The following CTNNA3 variants were observed in gnomAD, a reference collection of about 807,000 sequenced individuals.
The protein encoded by CTNNA3 is catenin alpha-3.
A neutral mutation model predicts 95.7 loss-of-function variants in CTNNA3; 76 were observed. The observed-to-expected ratio is 0.79, with a 90% CI of 0.66 to 0.96. The LOEUF is 0.96. CTNNA3 is among the 40% of genes least tolerant of loss of function. The pLI, the probability that CTNNA3 is intolerant of heterozygous loss-of-function variation, is 0.00. For synonymous variants in CTNNA3, 431 were observed against 374.4 expected, an observed-to-expected ratio of 1.15 and a Z score of -1.74; for missense variants, 1,191 against 1,089.8, an observed-to-expected ratio of 1.09 and a Z score of -1.31.
At chr10:66,115,563 T>C (rs10996905) in intron 13 of CTNNA3, among the ~76,000 whole-genome samples, 5,389 of 133,638 alleles carry the variant, frequency 0.04, 98 homozygotes, top group Middle Eastern at 0.059. Context: ...GATAGATAGA[T>C]AGATAGACAG....
chr10:67,692,129 C>A, intron 1 of CTNNA3, among the ~76,000 whole-genome samples: 1 of 151,358 alleles, frequency 6.6e-6, no homozygotes, highest in Admixed American at 6.6e-5. Context: ...GGGGTCAGCC[C>A]CCTGCCCGGC....
intron 17 of CTNNA3, among the ~76,000 whole-genome samples, chr10:65,953,653 G>A (rs533035490): frequency 6.6e-6 from 1 of 151,702 alleles, no homozygotes; most frequent in East Asian, 2.0e-4. Flanking sequence ...TTCTGTCCTT[G>A]TGTTAGTTTG....
chr10:67,034,075 A>G (rs1480899354), intron 7 of CTNNA3, among the ~76,000 whole-genome samples: 25 of 152,112 alleles, frequency 1.6e-4, no homozygotes, highest in Admixed American at 1.6e-3. Context: ...CCCGGCCTAT[A>G]CTGCTTCTTA....
intron 7 of CTNNA3, among the ~76,000 whole-genome samples, chr10:67,092,209 A>G (rs1857685906): frequency 6.6e-6 from 1 of 151,990 alleles, no homozygotes; most frequent in Non-Finnish European, 1.5e-5. Flanking sequence ...CAACCTAGAG[A>G]GTTAGAAAAC....
At chr10:66,574,677 T>A (rs1427797737) in intron 10 of CTNNA3, among the ~76,000 whole-genome samples, 1 of 152,128 alleles carries the variant, frequency 6.6e-6, no homozygotes, top group Non-Finnish European at 1.5e-5. Context: ...AATCTGAGTA[T>A]TAAAGTACAA....
At chr10:66,129,316 G>C (rs7079948) in intron 13 of CTNNA3, among the ~76,000 whole-genome samples, 126,122 of 152,134 alleles carry the variant, frequency 0.83, 52,454 homozygotes, top group South Asian at 0.91. Context: ...CAAGCAGCAA[G>C]CTACTCTCAC....
At chr10:66,373,847 C>T (rs535486802) in intron 12 of CTNNA3, among the ~76,000 whole-genome samples, 1 of 152,336 alleles carries the variant, frequency 6.6e-6, no homozygotes, top group South Asian at 2.1e-4. Context: ...TATTCATGAT[C>T]AATTGTTCAA....
chr10:67,628,687 T>C (rs899459951), intron 2 of CTNNA3, among the ~76,000 whole-genome samples: 2 of 152,142 alleles, frequency 1.3e-5, no homozygotes, highest in African/African-American at 4.8e-5. Context: ...TCCAAAACTG[T>C]ATGAGATTTC....
chr10:65,992,623 G>A (rs1210231056), intron 15 of CTNNA3, among the ~76,000 whole-genome samples: 2 of 151,818 alleles, frequency 1.3e-5, no homozygotes, highest in Non-Finnish European at 2.9e-5. Flanking sequence ...GTTTATTTGG[G>A]TATTCTCTCT....
chr10:66,220,996 G>A (rs996263910), intron 13 of CTNNA3, among the ~76,000 whole-genome samples: 3 of 152,134 alleles, frequency 2.0e-5, no homozygotes, highest in Non-Finnish European at 4.4e-5. Context: ...TAGGGCCCTC[G>A]CCAGGGATCG....
At chr10:67,462,710 T>C (rs541097323) in intron 5 of CTNNA3, among the ~76,000 whole-genome samples, 1 of 152,286 alleles carries the variant, frequency 6.6e-6, no homozygotes, top group African/African-American at 2.4e-5. Flanking sequence ...GAAGACGTGG[T>C]GATCTGAGAA....
At chr10:67,043,953 C>G (rs1854565631) in intron 7 of CTNNA3, among the ~76,000 whole-genome samples, 1 of 132,556 alleles carries the variant, frequency 7.5e-6, no homozygotes, top group African/African-American at 2.6e-5. Flanking sequence ...ATTTCAACCT[C>G]TATTTTAGAT....
At chr10:66,217,905 C>A (rs2088658486) in intron 13 of CTNNA3, among the ~76,000 whole-genome samples, 1 of 142,918 alleles carries the variant, frequency 7.0e-6, no homozygotes, top group African/African-American at 2.6e-5. Context: ...ACTGCGGGTA[C>A]CAGATGAAGT....
intron 7 of CTNNA3, among the ~76,000 whole-genome samples, chr10:66,930,641 A>C (rs895276654): frequency 6.6e-6 from 1 of 152,168 alleles, no homozygotes; most frequent in African/African-American, 2.4e-5. Context: ...GCAAATTCTC[A>C]ATGCCATGGT....
chr10:67,275,510 T>C (rs1267361937), intron 5 of CTNNA3, among the ~76,000 whole-genome samples: 3 of 152,066 alleles, frequency 2.0e-5, no homozygotes, highest in Middle Eastern at 3.4e-3. Context: ...TGACAATGAA[T>C]GTGCTAAGCG....
chr10:66,906,706 G>A (rs537358813), intron 7 of CTNNA3, among the ~76,000 whole-genome samples: 3 of 152,048 alleles, frequency 2.0e-5, no homozygotes, highest in Admixed American at 6.6e-5. Context: ...TATTTGATTC[G>A]AAGTCATCAA....
intron 1 of CTNNA3, among the ~76,000 whole-genome samples, chr10:67,748,268 C>T (rs529696938): frequency 7.6e-4 from 115 of 152,194 alleles, no homozygotes; most frequent in African/African-American, 2.7e-3. Flanking sequence ...CAGCAAGATA[C>T]TCCATGAGAA....
chr10:67,169,185 T>C (rs954159647), intron 7 of CTNNA3, among the ~76,000 whole-genome samples: 1 of 152,154 alleles, frequency 6.6e-6, no homozygotes, highest in African/African-American at 2.4e-5. Context: ...ATAGGAAGAA[T>C]CAGTATCATT....
intron 13 of CTNNA3, among the ~76,000 whole-genome samples, chr10:66,142,286 C>T (rs2083658509): frequency 6.6e-6 from 1 of 152,008 alleles, no homozygotes; most frequent in Admixed American, 6.6e-5. Context: ...ATTGTTTTGC[C>T]TTGACTCTTT....
Sources: allele counts gnomAD v4.1 joint callset (sites outside exome capture counted in the v4.1 genomes callset), GRCh38; gene constraint gnomAD v4.1.1; transcripts MANE v1.5; gene names NCBI Gene and HGNC (gene_info 2026-07-23, HGNC 2026-07-21).